Variants in PLB1 observed in about 807,000 individuals in gnomAD.
PLB1 encodes the protein phospholipase B1, membrane-associated.
PLB1 carries 242 observed loss-of-function variants against 227.4 expected under a neutral mutation model. The observed-to-expected ratio is 1.06, with a 90% confidence interval of 0.96 to 1.18. PLB1 has a LOEUF of 1.18. Ranked by LOEUF, PLB1 falls within the 50% of genes most tolerant of loss-of-function variation. The pLI, the probability that PLB1 is intolerant of heterozygous loss-of-function variation, is 0.00. For synonymous variants in PLB1, 757 were observed against 682.2 expected (o/e 1.11, Z -1.71); for missense variants, 1,858 against 1,816.3 (o/e 1.02, Z -0.42).
At chr2:28,545,710 C>T (rs1673150154) in intron 14 of PLB1, among the ~76,000 whole-genome samples, 2 of 152,132 alleles carry the variant, frequency 1.3e-5, no homozygotes, top group Non-Finnish European at 1.5e-5. Flanking sequence ...GCGGGGAGGG[C>T]GGGAGTCTCT....
rs1681036138 is a variant in PLB1, at chr2:28,587,149, A to AACCCTGTTTC, written c.1815+1309_1815+1318dup. 2.0e-5 allele frequency among the ~76,000 whole-genome samples: 3 copies of AACCCTGTTTC among 152,338 alleles called. No individual in the cohort carries two copies. In the South Asian group the frequency reaches 6.2e-4, roughly 32 times the overall value. ...CAGCTGAGGTTATGGCCATGAGAGC[A>AACCCTGTTTC]ACCCTGTTTCAATTGGGGTTACTGG... On this transcript the variant is annotated intron_variant, in intron 26 of 57. Coordinates refer to ENST00000327757, the MANE Select transcript of PLB1 (RefSeq NM_153021.5).
chr2:28,604,859 C>A, intron 41 of PLB1, 100 bp downstream of exon 41: 2 of 1,074,030 alleles, frequency 1.9e-6, no homozygotes, highest in Non-Finnish European at 2.7e-6. Flanking sequence ...ATGGGAAAGA[C>A]ACAGCTCTCC....
At position 28,639,575 on chromosome 2, in the gene PLB1, G is replaced by A. The variant is rs144945622; in HGVS notation, c.4099-1352G>A. ...GGGCAGGTGAAGGAGGGGAGATGTC[G>A]GAGCAGGTTGTGTACTGACGAGAAG... On this transcript the variant is annotated intron_variant, in intron 56 of 57. Coordinates refer to ENST00000327757, the MANE Select transcript of PLB1 (RefSeq NM_153021.5). Among the ~76,000 whole-genome samples the A allele has an allele frequency of 1.2e-3, 185 of 152,306 alleles. 2 individuals are homozygous for A. Among genetic ancestry groups the A allele is most frequent in the Non-Finnish European group, 2.1e-3 (144 of 68,024 alleles).
chr2:28,628,434 A>C (rs1333433541), intron 51 of PLB1, 129 bp from the exon 52 acceptor site: 10 of 746,216 alleles, frequency 1.3e-5, no homozygotes, highest in Middle Eastern at 4.7e-4. Flanking sequence ...TCTCAGTTTG[A>C]CCAGGACCAC....
At chr2:28,532,253 C>G (rs371044076) in intron 9 of PLB1, 59 bp downstream of exon 9, 3 of 1,375,362 alleles carry the variant, frequency 2.2e-6, no homozygotes, top group Non-Finnish European at 3.1e-6. Context: ...AGGGAGTGAA[C>G]TAAACCTGCC....
chr2:28,607,061 T>C (rs113991300), intron 43 of PLB1, among the ~76,000 whole-genome samples: 52 of 152,166 alleles, frequency 3.4e-4, no homozygotes, highest in African/African-American at 1.2e-3. Flanking sequence ...CAGAGCTGTA[T>C]GGAGGAGGGA....
In PLB1 at chr2:28,507,905, G is replaced by A. The variant is rs149925605; in HGVS notation, c.56-8903G>A. Among the ~76,000 whole-genome samples the A allele has an allele frequency of 4.6e-5, 7 of 152,244 alleles. No homozygotes were observed. In the East Asian group the frequency reaches 1.2e-3, roughly 25 times the overall value. ...GGTTTGAGACTTTTCAAGCCATCTCGAATGTTTTTTGTAATCAGACTAGAG... is the reference window on the plus strand; with the variant it reads ...GGTTTGAGACTTTTCAAGCCATCTCAAATGTTTTTTGTAATCAGACTAGAG... On this transcript the variant is annotated intron_variant, in intron 1 of 57. Coordinates refer to ENST00000327757, the MANE Select transcript of PLB1 (RefSeq NM_153021.5).
intron 44 of PLB1, 70 bp downstream of exon 44, chr2:28,614,166 T>C: frequency 7.1e-7 from 1 of 1,411,206 alleles, no homozygotes; most frequent in Non-Finnish European, 1.0e-6. Flanking sequence ...TCGGGTGTGG[T>C]ACAGGTTTCA....
intron 29 of PLB1, among the ~76,000 whole-genome samples, chr2:28,590,341 A>G (rs1340316294): frequency 1.3e-5 from 2 of 152,268 alleles, no homozygotes; most frequent in East Asian, 3.9e-4. Flanking sequence ...GGGGCAGGCA[A>G]GATGAGCATG....
intron 23 of PLB1, among the ~76,000 whole-genome samples, chr2:28,581,499 AAATAAATAAAT>A (rs1277747420): frequency 3.0e-5 from 3 of 98,394 alleles, no homozygotes; most frequent in East Asian, 4.8e-4. Flanking sequence ...ATAAATAAAT[AAATAAATAAAT>A]AAATAAATAA....
Position 28,600,791 on chromosome 2 carries a change from G to A in PLB1, c.2475-18G>A. On this transcript the variant is annotated intron_variant, in intron 35 of 57. Coordinates refer to ENST00000327757, the MANE Select transcript of PLB1 (RefSeq NM_153021.5). ...GCACTGTTCCTCAACAGAAGGATGG[G>A]TTTTCTCTCTTTCTCAGGGATCTTA... 1 of 1,612,668 alleles carries A rather than the reference G, an allele frequency of 6.2e-7. No homozygotes were observed. Among genetic ancestry groups the A allele is most frequent in the Non-Finnish European group, 8.5e-7 (1 of 1,178,718 alleles).
intron 9 of PLB1, among the ~76,000 whole-genome samples, chr2:28,535,874 C>G (rs1007146892): frequency 2.8e-4 from 42 of 152,238 alleles, no homozygotes; most frequent in African/African-American, 9.9e-4. Flanking sequence ...GAGCTGAGAT[C>G]ATGCCACTGC....
intron 4 of PLB1, among the ~76,000 whole-genome samples, chr2:28,520,916 A>G (rs1192876157): frequency 1.3e-5 from 2 of 152,222 alleles, no homozygotes; most frequent in Non-Finnish European, 2.9e-5. Flanking sequence ...CAGAAGTTGC[A>G]GTGAGCTGAG....
chr2:28,602,789 A>T, intron 38 of PLB1, 32 bp from the exon 39 acceptor site: 3 of 1,582,940 alleles, frequency 1.9e-6, no homozygotes, highest in Non-Finnish European at 2.6e-6. Flanking sequence ...AAGTGCCTGG[A>T]GCCCCCCTCT....
Position 28,592,687 on chromosome 2 carries a change from C to T in PLB1, c.2215C>T (p.Gln739Ter). The T allele has an allele frequency of 6.2e-7, 1 of 1,614,160 alleles. No individual in the cohort carries two copies. Among genetic ancestry groups the T allele is most frequent in the Non-Finnish European group, 8.5e-7 (1 of 1,180,028 alleles). The change falls in exon 32 of 58, where the codon CAA (glutamine) becomes TAA (stop). Residue 739 changes from glutamine to a stop codon, truncating the protein, a stop_gained. Transcript: ENST00000327757. LOFTEE classifies it high-confidence loss of function. ...GCATGCCCTGAGACCTGCAGACATC[C>T]AAGTTGTGGCTGCTCTGGGGGATTC... ...SVHALRPADI[Q>*]VVAALGDSLT...
At chr2:28,602,694 T>G in intron 38 of PLB1, 127 bp from the exon 39 acceptor site, 1 of 807,586 alleles carries the variant, frequency 1.2e-6, no homozygotes, top group East Asian at 2.5e-5. Context: ...CTGTATAGAC[T>G]CCTCCCCAGA....
At chr2:28,587,770 A>G (rs1681153147) in intron 26 of PLB1, among the ~76,000 whole-genome samples, 1 of 152,184 alleles carries the variant, frequency 6.6e-6, no homozygotes, top group Non-Finnish European at 1.5e-5. Flanking sequence ...AGCCTCAGTC[A>G]CATACCCACG....
At chr2:28,593,174 ACTAT>A (rs1321325368) in intron 32 of PLB1, among the ~76,000 whole-genome samples, 3 of 152,046 alleles carry the variant, frequency 2.0e-5, no homozygotes, top group Non-Finnish European at 2.9e-5. Context: ...GGGCTATTTT[ACTAT>A]CCCAGATCAT....
chr2:28,545,562 C>T lies in PLB1; in HGVS notation c.936+2294C>T, dbSNP rs75373533. 8.0e-3 allele frequency among the ~76,000 whole-genome samples: 1,221 copies of T among 152,300 alleles called. 15 individuals are homozygous for T. Among genetic ancestry groups the T allele is most frequent in the Non-Finnish European group, 0.013 (866 of 68,032 alleles). ...CGGTGGTTTCTTGAGGCAAGTCACA[C>T]GGTCTTTCGGGGTGTCCATTTTCTC... is the stretch of plus-strand genomic sequence containing the variant. On this transcript the variant is annotated intron_variant, in intron 14 of 57. Coordinates refer to ENST00000327757, the MANE Select transcript of PLB1 (RefSeq NM_153021.5).
Sources: gnomAD v4.1 joint callset for allele counts (sites outside exome capture counted in the v4.1 genomes callset) on GRCh38, gnomAD v4.1.1 for gene constraint, MANE v1.5 for transcripts, NCBI Gene and HGNC (gene_info 2026-07-23, HGNC 2026-07-21) for gene names.